The following ZC3H12B variants were observed in gnomAD, a reference collection of about 807,000 sequenced individuals.
ZC3H12B encodes zinc finger CCCH-type containing 12B, also known as probable ribonuclease ZC3H12B.
A neutral mutation model predicts 43.9 loss-of-function variants in ZC3H12B; 7 were observed. That is an observed-to-expected ratio of 0.16 (90% CI 0.09 to 0.30). The LOEUF is 0.30. ZC3H12B is among the 10% of genes least tolerant of loss of function. The pLI, the probability that ZC3H12B is intolerant of heterozygous loss-of-function variation, is 1.00. For missense variants in ZC3H12B, 475 were observed against 670.2 expected, an observed-to-expected ratio of 0.71 and a Z score of 3.22; for synonymous variants, 222 against 241.7, an observed-to-expected ratio of 0.92 and a Z score of 0.76.
chrX:65,309,905 A>T, the ZC3H12B span, among the ~76,000 whole-genome samples: 3 of 112,114 alleles, frequency 2.7e-5, no homozygotes, highest in Admixed American at 9.5e-5. Context: ...AAACCACATA[A>T]TTATCTCAAT....
exon 5 of ZC3H12B, chrX:65,503,124 T>A (rs1287843278): frequency 8.3e-7 from 1 of 1,211,502 alleles, no homozygotes; most frequent in Non-Finnish European, 1.1e-6. Context: ...AACATCGTCC[T>A]TGCAGTGATG....
At chrX:65,124,864 G>A in the ZC3H12B span, among the ~76,000 whole-genome samples, 1 of 110,117 alleles carries the variant, frequency 9.1e-6, no homozygotes, top group South Asian at 3.8e-4. Context: ...ACCTTATTTG[G>A]ATTTTCTCTC....
the ZC3H12B span, among the ~76,000 whole-genome samples, chrX:65,140,792 A>T: frequency 5.4e-5 from 6 of 111,017 alleles, no homozygotes; most frequent in Non-Finnish European, 1.1e-4. Flanking sequence ...CCTTATTCAG[A>T]CTTGTTAGGT....
chrX:65,352,282 C>G, the ZC3H12B span, among the ~76,000 whole-genome samples: 1 of 111,292 alleles, frequency 9.0e-6, no homozygotes, highest in African/African-American at 3.3e-5. Flanking sequence ...CACATGGACA[C>G]AGGGATGGGA....
the ZC3H12B span, among the ~76,000 whole-genome samples, chrX:65,070,602 A>C: frequency 9.0e-6 from 1 of 110,595 alleles, no homozygotes; most frequent in Non-Finnish European, 1.9e-5. Context: ...ACAATGCCTT[A>C]GCTGTGTCCC....
chrX:65,172,909 C>T, the ZC3H12B span, among the ~76,000 whole-genome samples: 3 of 111,849 alleles, frequency 2.7e-5, no homozygotes, highest in South Asian at 3.7e-4. Context: ...GCTATATGGG[C>T]TCATTTTTTA....
chrX:65,055,292 T>TA, the ZC3H12B span, among the ~76,000 whole-genome samples: 3 of 111,902 alleles, frequency 2.7e-5, no homozygotes, highest in Non-Finnish European at 3.8e-5. Flanking sequence ...GTTTTTAGCA[T>TA]AAAGGGCTGT....
chrX:65,214,610 A>T, the ZC3H12B span, among the ~76,000 whole-genome samples: 12 of 111,448 alleles, frequency 1.1e-4, no homozygotes, highest in Admixed American at 1.2e-3. Context: ...TATTTCTACC[A>T]CATCTTCAGT....
the ZC3H12B span, among the ~76,000 whole-genome samples, chrX:65,343,819 C>T: frequency 9.0e-6 from 1 of 111,433 alleles, no homozygotes; most frequent in South Asian, 3.8e-4. Flanking sequence ...TGGAGGTTCT[C>T]ACCAGATCCA....
chrX:65,228,488 C>G, the ZC3H12B span, among the ~76,000 whole-genome samples: 4 of 110,902 alleles, frequency 3.6e-5, no homozygotes, highest in Non-Finnish European at 7.6e-5. Context: ...CAGGGATGCC[C>G]TCTCTCACCA....
chrX:65,340,724 G>A, the ZC3H12B span, among the ~76,000 whole-genome samples: 10 of 112,304 alleles, frequency 8.9e-5, no homozygotes, highest in Middle Eastern at 4.6e-3. Flanking sequence ...GCAACTTCAA[G>A]TATTGAAGGA....
the ZC3H12B span, among the ~76,000 whole-genome samples, chrX:65,270,060 C>A: frequency 9.1e-6 from 1 of 109,863 alleles, no homozygotes; most frequent in Non-Finnish European, 1.9e-5. Context: ...CCATAAAAAT[C>A]CCTGAATAAC....
At chrX:65,054,192 G>A in the ZC3H12B span, among the ~76,000 whole-genome samples, 1 of 111,991 alleles carries the variant, frequency 8.9e-6, no homozygotes, top group African/African-American at 3.3e-5. Context: ...CCATGCCTAT[G>A]TCCTGAATGG....
chrX:65,109,578 T>C, the ZC3H12B span, among the ~76,000 whole-genome samples: 2 of 112,008 alleles, frequency 1.8e-5, no homozygotes, highest in Admixed American at 9.5e-5. Context: ...GTACTACATG[T>C]AGTTTATCCA....
At chrX:65,151,361 T>A in the ZC3H12B span, among the ~76,000 whole-genome samples, 1 of 112,152 alleles carries the variant, frequency 8.9e-6, no homozygotes, top group Non-Finnish European at 1.9e-5. Flanking sequence ...GACTTCCTTG[T>A]TAATAAGGTA....
chrX:65,098,393 A>G, the ZC3H12B span, among the ~76,000 whole-genome samples: 1 of 111,396 alleles, frequency 9.0e-6, no homozygotes, highest in Non-Finnish European at 1.9e-5. Flanking sequence ...AGACTGTAGT[A>G]GTGGGAGACT....
At chrX:65,186,873 T>G in the ZC3H12B span, among the ~76,000 whole-genome samples, 1 of 112,289 alleles carries the variant, frequency 8.9e-6, no homozygotes. Flanking sequence ...TTCATTCCTT[T>G]ATATTGCTGA....
At chrX:65,451,671 G>A (rs762642703) in intron 3 of ZC3H12B, among the ~76,000 whole-genome samples, 15 of 111,736 alleles carry the variant, frequency 1.3e-4, no homozygotes, top group Non-Finnish European at 2.4e-4. Context: ...TGAAAAAGCA[G>A]CTACCTCTTC....
the ZC3H12B span, among the ~76,000 whole-genome samples, chrX:65,231,826 C>A: frequency 8.9e-6 from 1 of 111,819 alleles, no homozygotes; most frequent in Admixed American, 9.6e-5. Flanking sequence ...AATCAGATTT[C>A]ATATTGTTCG....
Sources: gnomAD v4.1 joint callset for allele counts (sites outside exome capture counted in the v4.1 genomes callset) on GRCh38, gnomAD v4.1.1 for gene constraint, MANE v1.5 for transcripts, NCBI Gene and HGNC (gene_info 2026-07-23, HGNC 2026-07-21) for gene names.